The following SLC35D4 variants were observed in gnomAD, a reference collection of about 807,000 sequenced individuals.
The protein encoded by SLC35D4 is solute carrier family 35 member D4.
chr18:23,282,423 C>G, the SLC35D4 span, among the ~76,000 whole-genome samples: 1 of 152,226 alleles, frequency 6.6e-6, no homozygotes, highest in Admixed American at 6.5e-5. Flanking sequence ...ACAGCAGGAG[C>G]AAAGATTCGC....
the SLC35D4 span, among the ~76,000 whole-genome samples, chr18:23,400,302 T>C: frequency 6.6e-6 from 1 of 152,190 alleles, no homozygotes; most frequent in East Asian, 1.9e-4. Context: ...TCACTGAGGT[T>C]GCAACCTGCT....
the SLC35D4 span, among the ~76,000 whole-genome samples, chr18:23,284,498 G>A: frequency 1.7e-4 from 26 of 152,238 alleles, no homozygotes; most frequent in East Asian, 4.2e-3. Context: ...TCCCTGCTCC[G>A]AGTTGTCCTA....
At chr18:23,290,885 G>A in the SLC35D4 span, among the ~76,000 whole-genome samples, 6 of 151,230 alleles carry the variant, frequency 4.0e-5, no homozygotes, top group African/African-American at 1.2e-4. Flanking sequence ...TGATCCACCC[G>A]CCTCGGCCTC....
At chr18:23,310,877 G>A in the SLC35D4 span, among the ~76,000 whole-genome samples, 7 of 152,046 alleles carry the variant, frequency 4.6e-5, no homozygotes, top group African/African-American at 1.7e-4. Flanking sequence ...TTTCTGCCTC[G>A]CTTTATTGAT....
the SLC35D4 span, among the ~76,000 whole-genome samples, chr18:23,361,452 T>C: frequency 1.1e-3 from 173 of 152,000 alleles, 1 homozygote; most frequent in African/African-American, 3.8e-3. Context: ...CCTGTAAGAG[T>C]AGTCCTGCTC....
the SLC35D4 span, among the ~76,000 whole-genome samples, chr18:23,384,569 T>G: frequency 6.6e-6 from 1 of 152,200 alleles, no homozygotes; most frequent in Non-Finnish European, 1.5e-5. Context: ...TGAAGGAGCT[T>G]GTTCTAGCTG....
the SLC35D4 span, among the ~76,000 whole-genome samples, chr18:23,255,940 A>G: frequency 3.5e-4 from 54 of 152,304 alleles, no homozygotes; most frequent in African/African-American, 1.1e-3. Flanking sequence ...GTTGAGCAAT[A>G]TACCACACAG....
the SLC35D4 span, among the ~76,000 whole-genome samples, chr18:23,389,831 T>G: frequency 1.3e-5 from 2 of 152,170 alleles, no homozygotes; most frequent in African/African-American, 4.8e-5. Flanking sequence ...TAAGCCACCA[T>G]ACCCGGCCAG....
At chr18:23,320,258 C>T in the SLC35D4 span, among the ~76,000 whole-genome samples, 1 of 152,130 alleles carries the variant, frequency 6.6e-6, no homozygotes. Flanking sequence ...TTGAGTTCAC[C>T]AATCCTGCTA....
chr18:23,267,125 GC>G, the SLC35D4 span, among the ~76,000 whole-genome samples: 1 of 152,354 alleles, frequency 6.6e-6, no homozygotes, highest in South Asian at 2.1e-4. Flanking sequence ...CTAAACCAGA[GC>G]CTGGCTGAAA....
At chr18:23,388,360 A>G in the SLC35D4 span, among the ~76,000 whole-genome samples, 103 of 152,328 alleles carry the variant, frequency 6.8e-4, 1 homozygote, top group East Asian at 0.019. Flanking sequence ...ACCTCCTCCC[A>G]GCACCTCTCT....
the SLC35D4 span, among the ~76,000 whole-genome samples, chr18:23,422,982 C>G: frequency 6.6e-6 from 1 of 152,216 alleles, no homozygotes; most frequent in Non-Finnish European, 1.5e-5. Context: ...ATGACCACAA[C>G]CCACCCATGT....
At chr18:23,360,921 G>T in the SLC35D4 span, among the ~76,000 whole-genome samples, 2 of 151,830 alleles carry the variant, frequency 1.3e-5, no homozygotes, top group Non-Finnish European at 2.9e-5. Context: ...GACCAACATG[G>T]TGGAACCCCG....
the SLC35D4 span, among the ~76,000 whole-genome samples, chr18:23,424,705 C>A: frequency 6.6e-6 from 1 of 152,174 alleles, no homozygotes; most frequent in Non-Finnish European, 1.5e-5. Context: ...ACAGAAGACA[C>A]TTTAAAACTT....
At chr18:23,368,832 A>G in the SLC35D4 span, 1 of 900,876 alleles carries the variant, frequency 1.1e-6, no homozygotes, top group Non-Finnish European at 1.7e-6. Context: ...TCTTCTACTA[A>G]TAAATTCTAT....
At chr18:23,377,227 C>A in the SLC35D4 span, among the ~76,000 whole-genome samples, 1 of 152,220 alleles carries the variant, frequency 6.6e-6, no homozygotes, top group Non-Finnish European at 1.5e-5. Context: ...AATCACCCTG[C>A]TATGGCCCAG....
At chr18:23,240,723 C>G in the SLC35D4 span, among the ~76,000 whole-genome samples, 2 of 152,220 alleles carry the variant, frequency 1.3e-5, no homozygotes, top group African/African-American at 4.8e-5. Context: ...TTCCTCGGGC[C>G]CCCAGGGCAG....
the SLC35D4 span, chr18:23,309,651 C>T: frequency 1.2e-6 from 2 of 1,604,848 alleles, no homozygotes; most frequent in Non-Finnish European, 1.7e-6. Flanking sequence ...AACTAATTGG[C>T]ACTTTATCTC....
chr18:23,352,165 GA>G, the SLC35D4 span: 1 of 1,572,888 alleles, frequency 6.4e-7, no homozygotes, highest in African/African-American at 1.4e-5. Flanking sequence ...AGGCTCTTGA[GA>G]GAGAATTTCC....
Sources: gnomAD v4.1 joint callset for allele counts (sites outside exome capture counted in the v4.1 genomes callset) on GRCh38, gnomAD v4.1.1 for gene constraint, MANE v1.5 for transcripts, NCBI Gene and HGNC (gene_info 2026-07-23, HGNC 2026-07-21) for gene names.